PHF14: variants seen among roughly 807,000 people sequenced by gnomAD.
PHF14 encodes the protein PHD finger protein 14.
Under a neutral mutation model 117.9 loss-of-function variants are expected in PHF14, and 55 were observed. The observed-to-expected ratio is 0.47, with a 90% CI of 0.38 to 0.58. The LOEUF (loss-of-function observed/expected upper bound fraction) is 0.58, where lower values mean the gene tolerates loss of function less well. PHF14 is among the 20% of genes least tolerant of loss of function. PHF14 has a pLI of 0.00. For missense variants in PHF14, 978 were observed against 1,122.2 expected (o/e 0.87, Z 1.84); for synonymous variants, 409 against 368.6 (o/e 1.11, Z -1.26).
At chr7:10,978,115 A>T (rs1158225131) in intron 2 of PHF14, among the ~76,000 whole-genome samples, 1 of 152,178 alleles carries the variant, frequency 6.6e-6, no homozygotes, top group Non-Finnish European at 1.5e-5. Flanking sequence ...AAATAATTTA[A>T]TGAGAAGTGT....
At chr7:11,032,703 A>T (rs566635542) in intron 7 of PHF14, among the ~76,000 whole-genome samples, 1 of 152,162 alleles carries the variant, frequency 6.6e-6, no homozygotes, top group African/African-American at 2.4e-5. Context: ...ACTGCTTCTC[A>T]TCATTCATTT....
chr7:11,110,614 T>G (rs1313087769), intron 16 of PHF14: 1 of 659,250 alleles, frequency 1.5e-6, no homozygotes, highest in African/African-American at 2.0e-5. Flanking sequence ...AAACATAAGT[T>G]TTTAAATGTA....
rs1251154525 is a variant in PHF14, at chr7:11,013,867, C to G, written c.1166C>G (p.Pro389Arg). The G allele has an allele frequency of 6.2e-7, 1 of 1,607,474 alleles. No homozygotes were observed. The highest frequency in any genetic ancestry group is 8.5e-7 in the Non-Finnish European group (1 of 1,175,330). ...GTTTCTCCTAGCTGTGAACTGTGTC[C>G]TAATCAGGATGGAATTTTCAAGGAG... ...CGVSPSCELC[P>R]NQDGIFKETD... The change falls in exon 5 of 18, where the codon CCT becomes CGT. Residue 389 changes from proline to arginine, a missense_variant. By Grantham distance (103) the Pro-to-Arg change is moderately radical (BLOSUM62 -2). Coordinates refer to ENST00000634607, the MANE Select transcript of PHF14 (RefSeq NM_001007157.2).
intron 17 of PHF14, among the ~76,000 whole-genome samples, chr7:11,114,625 G>A (rs929213260): frequency 6.6e-6 from 1 of 152,076 alleles, no homozygotes; most frequent in Admixed American, 6.6e-5. Context: ...AGTATAGCAT[G>A]ATAAGACTTT....
rs564871182 is a variant in PHF14, at chr7:10,974,379, T to C, written c.1+55T>C. On this transcript the variant is annotated intron_variant, in intron 1 of 17. Transcript: ENST00000634607. The stretch of plus-strand genomic sequence containing the variant: ...AGGTCCATTTCAGCCATTCTAGAAG[T>C]CAGGGCCGGTGGGAGCAGGGCAGGG... 6.0e-6 allele frequency: 9 copies of C among 1,492,820 alleles called. No homozygotes were observed. The African/African-American group carries it at 1.2e-4, about 21-fold the overall frequency. 92.5% of individuals were successfully genotyped at this position (1,492,820 alleles called of 1,614,324 possible).
intron 13 of PHF14, among the ~76,000 whole-genome samples, chr7:11,048,800 C>CT (rs578162748): frequency 3.9e-5 from 6 of 152,138 alleles, no homozygotes; most frequent in Non-Finnish European, 8.8e-5. Context: ...AGTGTGGACT[C>CT]TATCTACTGC....
intron 4 of PHF14, among the ~76,000 whole-genome samples, chr7:10,996,523 GA>G (rs1035242627): frequency 6.6e-6 from 1 of 152,064 alleles, no homozygotes; most frequent in Non-Finnish European, 1.5e-5. Context: ...ATGTTTTTAA[GA>G]GTGGGAAATC....
intron 17 of PHF14, among the ~76,000 whole-genome samples, chr7:11,144,512 A>T (rs1788492740): frequency 6.6e-6 from 1 of 150,870 alleles, no homozygotes; most frequent in South Asian, 2.1e-4. Flanking sequence ...TTATTGCAGC[A>T]TTATAATTAA....
At chr7:11,045,126 T>A (rs1444053884) in intron 13 of PHF14, among the ~76,000 whole-genome samples, 1 of 152,180 alleles carries the variant, frequency 6.6e-6, no homozygotes, top group Admixed American at 6.5e-5. Context: ...GTTAGGAGTA[T>A]TTGTACTGTA....
intron 4 of PHF14, among the ~76,000 whole-genome samples, chr7:10,994,201 G>C (rs1782553281): frequency 6.6e-6 from 1 of 152,170 alleles, no homozygotes; most frequent in Non-Finnish European, 1.5e-5. Flanking sequence ...CACTTTGGGA[G>C]GCCGAGGCAG....
At chr7:11,167,328 G>A (rs951538086) in intron 17 of PHF14, among the ~76,000 whole-genome samples, 6 of 152,072 alleles carry the variant, frequency 3.9e-5, no homozygotes, top group African/African-American at 1.2e-4. Context: ...AAACATTTTT[G>A]CTTATTTTTA....
rs548171774 is a variant in PHF14, at chr7:11,110,512, T to C, written c.2655-838T>C. 8 of 980,084 alleles carry C rather than the reference T, an allele frequency of 8.2e-6. No individual in the cohort carries two copies. In the East Asian group the frequency reaches 6.8e-4, roughly 84 times the overall value. The allele number at this position is 980,084 out of a possible 1,614,324, so 60.7% of individuals were successfully genotyped here. Reference sequence around the variant, plus strand: ...GCACTGAAATAATACAGATTTTTCTTCATTGTCAGCAGGATGAGATTGTCT... The same window carrying C: ...GCACTGAAATAATACAGATTTTTCTCCATTGTCAGCAGGATGAGATTGTCT... On this transcript the variant is annotated intron_variant, in intron 16 of 17. Coordinates refer to ENST00000634607, the MANE Select transcript of PHF14 (RefSeq NM_001007157.2).
chr7:11,022,506 C>G (rs1388002339), intron 5 of PHF14, among the ~76,000 whole-genome samples: 1 of 152,056 alleles, frequency 6.6e-6, no homozygotes. Context: ...ACGTGACTAC[C>G]TTTCCTTGCA....
chr7:11,155,850 G>C (rs1377282268), intron 17 of PHF14, among the ~76,000 whole-genome samples: 1 of 151,556 alleles, frequency 6.6e-6, no homozygotes, highest in African/African-American at 2.4e-5. Context: ...ATGAATAGAT[G>C]GCTTATATAG....
chr7:11,131,443 A>G (rs957701706), intron 17 of PHF14, among the ~76,000 whole-genome samples: 2 of 151,898 alleles, frequency 1.3e-5, no homozygotes, highest in Non-Finnish European at 2.9e-5. Flanking sequence ...TGCCATATAT[A>G]TATCTTTTAT....
Position 10,974,147 on chromosome 7 carries a change from G to C in PHF14, c.-177G>C. On this transcript the variant is annotated 5_prime_UTR_variant, in exon 1 of 18. Coordinates refer to ENST00000634607, the MANE Select transcript of PHF14 (RefSeq NM_001007157.2). ...GGCCAGGCGAGGCCGGGGGGGCGGG[G>C]GGTTAGGGGACCGCGGGGCTACTCT... 1.6e-6 allele frequency: 1 copy of C among 616,068 alleles called. No homozygotes were observed. Among genetic ancestry groups the C allele is most frequent in the Non-Finnish European group, 2.9e-6 (1 of 342,474 alleles). 38.2% of individuals were successfully genotyped at this position (616,068 alleles called of 1,614,324 possible).
At chr7:11,046,867 A>G (rs1784682592) in intron 13 of PHF14, among the ~76,000 whole-genome samples, 1 of 143,974 alleles carries the variant, frequency 6.9e-6, no homozygotes, top group South Asian at 2.2e-4. Flanking sequence ...TAGACATAAG[A>G]AAAAAAAAAA....
At chr7:11,154,031 T>TCCAGA (rs1187329772) in intron 17 of PHF14, among the ~76,000 whole-genome samples, 2 of 152,046 alleles carry the variant, frequency 1.3e-5, no homozygotes, top group African/African-American at 4.8e-5. Context: ...ACATGTCTTA[T>TCCAGA]CCAGAATCAG....
chr7:11,141,832 AT>A (rs893326585), intron 17 of PHF14, among the ~76,000 whole-genome samples: 5 of 151,852 alleles, frequency 3.3e-5, no homozygotes, highest in Non-Finnish European at 7.4e-5. Flanking sequence ...ATTGATATAG[AT>A]TTTTTTATTC....
Sources: allele counts gnomAD v4.1 joint callset (sites outside exome capture counted in the v4.1 genomes callset), GRCh38; gene constraint gnomAD v4.1.1; transcripts MANE v1.5; gene names NCBI Gene and HGNC (gene_info 2026-07-23, HGNC 2026-07-21).